The following PEG3 variants were observed in gnomAD, a reference collection of about 807,000 sequenced individuals.
The protein encoded by PEG3 is paternally expressed 3.
PEG3 carries 23 observed loss-of-function variants against 35.5 expected under a neutral mutation model. That is an observed-to-expected ratio of 0.65 (90% CI 0.47 to 0.92). The LOEUF (loss-of-function observed/expected upper bound fraction) is 0.92. Ranked by LOEUF, PEG3 falls within the 40% of genes least tolerant of loss-of-function variation. The pLI, the probability that PEG3 is intolerant of heterozygous loss-of-function variation, is 0.00. For synonymous variants in PEG3, 707 were observed against 697.0 expected, an observed-to-expected ratio of 1.01 and a Z score of -0.23; for missense variants, 1,960 against 1,985.3, an observed-to-expected ratio of 0.99 and a Z score of 0.24.
chr19:56,821,874 T>A (rs2060523520), intron 6 of PEG3, 120 bp from the exon 7 acceptor site: 1 of 1,049,432 alleles, frequency 9.5e-7, no homozygotes, highest in Admixed American at 1.9e-5. Context: ...AGTGCCTTTC[T>A]CTTCTCTGCA....
In PEG3 at chr19:56,817,794, C is replaced by T. The variant is rs1284183760; in HGVS notation, c.814G>A (p.Gly272Ser). Residue 272 changes from glycine to serine, a missense_variant, in exon 9 of 10, where the codon GGC becomes AGC. This residue lies in a region of PEG3 where 613 missense variants were observed against 577.1 expected (regional missense o/e 1.06). Coordinates refer to ENST00000326441, the MANE Select transcript of PEG3 (RefSeq NM_006210.3). ...EDDGHSHMTQ[G>S]HSSRSKRSAY... ...CTTCTCTTGGATCTTGATGAGTGGC[C>T]CTGCGTCATGTGGGAGTGGCCATCG... 1.9e-6 allele frequency: 3 copies of T among 1,614,074 alleles called. No individual in the cohort carries two copies. Among genetic ancestry groups the T allele is most frequent in the South Asian group, 2.2e-5 (2 of 91,062 alleles).
In PEG3 at chr19:56,824,526, A is replaced by C; in HGVS notation, c.130T>G (p.Phe44Val). The change falls in exon 4 of 10, where the codon TTT (phenylalanine) becomes GTT (valine). Residue 44 changes from phenylalanine (F) to valine (V), a missense_variant. Physicochemically the swap from Phe to Val is conservative, Grantham distance 50. Around this residue, in one of 5 missense-constraint regions of PEG3, gnomAD observed 613 missense variants for 577.1 expected, o/e 1.06. Coordinates refer to ENST00000326441, the MANE Select transcript of PEG3 (RefSeq NM_006210.3). ...AGGTTCCGAAACCTCTGATGAAAAAACTCAGAGTCAGTTGGACCTTCTCCT... is the reference window on the plus strand; with the variant it reads ...AGGTTCCGAAACCTCTGATGAAAAACCTCAGAGTCAGTTGGACCTTCTCCT... Reference protein sequence around the residue: ...IIGEGPTDSEFFHQRFRNLIY... With the variant: ...IIGEGPTDSEVFHQRFRNLIY... The C allele has an allele frequency of 6.2e-7, 1 of 1,613,520 alleles. No homozygotes were observed. Among genetic ancestry groups the C allele is most frequent in the Admixed American group, 1.7e-5 (1 of 59,952 alleles).
chr19:56,838,849 G>C (rs986906162), intron 1 of PEG3, among the ~76,000 whole-genome samples: 1 of 152,152 alleles, frequency 6.6e-6, no homozygotes, highest in South Asian at 2.1e-4. Flanking sequence ...CCGTGGCCCC[G>C]CCCCTCCCTG....
chr19:56,820,972 C>A (rs952694040), intron 7 of PEG3, among the ~76,000 whole-genome samples: 1 of 152,206 alleles, frequency 6.6e-6, no homozygotes, highest in African/African-American at 2.4e-5. Context: ...ATAAGTGACC[C>A]CTCTCCTCCT....
Position 56,816,790 on chromosome 19 carries a change from C to G in PEG3, c.1652G>C (p.Ser551Thr). ...EEAFMPSPTF[S>T]ELQKIYGKDK... ...TTTGCCATATATTTTCTGAAGCTCACTAAAGGTGGGGCTAGGCATGAAGGC... is the reference window on the plus strand; with the variant it reads ...TTTGCCATATATTTTCTGAAGCTCAGTAAAGGTGGGGCTAGGCATGAAGGC... Residue 551 changes from serine to threonine, a missense_variant, in exon 10 of 10, where the codon AGT becomes ACT. By Grantham distance (58) the Ser-to-Thr change is moderately conservative (BLOSUM62 1). Transcript: ENST00000326441. 1.9e-6 allele frequency: 3 copies of G among 1,614,112 alleles called. No homozygotes were observed. The highest frequency in any genetic ancestry group is 2.5e-6 in the Non-Finnish European group (3 of 1,180,016).
chr19:56,815,788 C>A lies in PEG3; in HGVS notation c.2654G>T (p.Gly885Val), dbSNP rs781723224. Residue 885 changes from glycine (G) to valine (V), a missense_variant, in exon 10 of 10, where the codon GGC (glycine) becomes GTC (valine). Transcript: ENST00000326441. ...IPARENPCEG[G>V]SKNRNYEDSV... ...GTCTTCATAGTTGCGATTCTTACTG[C>A]CCCCTTCACAAGGGTTCTCTCTGGC... The A allele has an allele frequency of 2.5e-6, 4 of 1,613,232 alleles. No individual in the cohort carries two copies. The African/African-American group carries it at 5.3e-5, about 22-fold the overall frequency.
Position 56,824,434 on chromosome 19 carries a change from C to A in PEG3, c.222G>T (p.Trp74Cys), listed in dbSNP as rs947664029. ...LIKLRNLCLD[W>C]LQPETRTKEE... The stretch of plus-strand genomic sequence containing the variant: ...CCTTGGTGCGGGTCTCCGGCTGCAA[C>A]CAATCGAGGCAGAGGTTTCGGAGTT... Residue 74 changes from tryptophan (W) to cysteine (C), a missense_variant, in exon 4 of 10, where the codon TGG (tryptophan) becomes TGT (cysteine). Physicochemically the swap from Trp to Cys is radical, Grantham distance 215. Coordinates refer to ENST00000326441, the MANE Select transcript of PEG3 (RefSeq NM_006210.3). 1.2e-6 allele frequency: 2 copies of A among 1,613,968 alleles called. No homozygotes were observed. The highest frequency in any genetic ancestry group is 1.7e-6 in the Non-Finnish European group (2 of 1,180,026).
rs756709180 is a variant in PEG3, at chr19:56,815,806, T to C, written c.2636A>G (p.Glu879Gly). 3.1e-6 allele frequency: 5 copies of C among 1,613,634 alleles called. No homozygotes were observed. In the South Asian group the frequency reaches 5.5e-5, roughly 18 times the overall value. The stretch of plus-strand genomic sequence containing the variant: ...CTTACTGCCCCCTTCACAAGGGTTC[T>C]CTCTGGCAGGAATCTTCTGTCGCTT... ...NDKRQKIPARENPCEGGSKNR... is the reference protein window; with the variant it reads ...NDKRQKIPARGNPCEGGSKNR... Residue 879 changes from glutamate (E) to glycine (G), a missense_variant, in exon 10 of 10, where the codon GAG (glutamate) becomes GGG (glycine). Glu to Gly is a moderately conservative substitution (Grantham distance 98). Around this residue, in one of 5 missense-constraint regions of PEG3, gnomAD observed 798 missense variants for 782.4 expected, o/e 1.02. Coordinates refer to ENST00000326441, the MANE Select transcript of PEG3 (RefSeq NM_006210.3).
chr19:56,826,124 C>T (rs2061004926), intron 3 of PEG3, among the ~76,000 whole-genome samples: 1 of 152,166 alleles, frequency 6.6e-6, no homozygotes, highest in African/African-American at 2.4e-5. Context: ...ATAGATAATG[C>T]TCTGCTGGGC....
chr19:56,819,524 G>A (rs1169816602), intron 7 of PEG3, among the ~76,000 whole-genome samples: 1 of 152,220 alleles, frequency 6.6e-6, no homozygotes, highest in Non-Finnish European at 1.5e-5. Flanking sequence ...ACTGAGGCTG[G>A]AGAGAGACTT....
chr19:56,837,799 T>C (rs2062348048), intron 1 of PEG3, among the ~76,000 whole-genome samples: 1 of 152,246 alleles, frequency 6.6e-6, no homozygotes, highest in South Asian at 2.1e-4. Flanking sequence ...TCACTCAAGA[T>C]GGCGCCTGCG....
chr19:56,827,540 G>A lies in PEG3; in HGVS notation c.-162-1077C>T, dbSNP rs149141217. ...CCGGGCAACATATGTTTGTATGCACGGGAAGAAACAAGTACACTCATATAC... is the reference window on the plus strand; with the variant it reads ...CCGGGCAACATATGTTTGTATGCACAGGAAGAAACAAGTACACTCATATAC... On this transcript the variant is annotated intron_variant, in intron 2 of 9. Transcript: ENST00000326441. Among the ~76,000 whole-genome samples the A allele has an allele frequency of 2.6e-3, 400 of 152,246 alleles. 4 individuals are homozygous for A. The highest frequency in any genetic ancestry group is 9.0e-3 in the African/African-American group (373 of 41,550).
intron 1 of PEG3, among the ~76,000 whole-genome samples, chr19:56,836,699 T>G (rs750802202): frequency 9.2e-5 from 14 of 152,196 alleles, no homozygotes; most frequent in Non-Finnish European, 1.0e-4. Flanking sequence ...ATGGGCGCAG[T>G]GACTCGCGCC....
intron 5 of PEG3, among the ~76,000 whole-genome samples, 191 bp downstream of exon 5, chr19:56,823,402 G>C (rs112247074): frequency 8.1e-4 from 123 of 152,246 alleles, no homozygotes; most frequent in South Asian, 1.2e-3. Flanking sequence ...AGTATTTAAG[G>C]TGTCTGTTTA....
At chr19:56,822,606 T>C (rs2060607672) in intron 6 of PEG3, 147 bp downstream of exon 6, 1 of 1,092,520 alleles carries the variant, frequency 9.2e-7, no homozygotes, top group Non-Finnish European at 1.3e-6. Context: ...ACTTCAAAAA[T>C]ACGAGCCTTG....
intron 2 of PEG3, among the ~76,000 whole-genome samples, chr19:56,827,745 C>A (rs558676283): frequency 1.3e-5 from 2 of 152,106 alleles, no homozygotes; most frequent in Admixed American, 1.3e-4. Flanking sequence ...ACTATGAAAC[C>A]CTTTAAAATA....
chr19:56,835,325 CCA>C (rs2061980216), intron 2 of PEG3, among the ~76,000 whole-genome samples: 1 of 152,212 alleles, frequency 6.6e-6, no homozygotes, highest in African/African-American at 2.4e-5. Flanking sequence ...CACAATGAAA[CCA>C]CAACTTACCT....
At chr19:56,822,861 G>A (rs1435917552) in intron 5 of PEG3, 25 bp from the exon 6 acceptor site, 2 of 1,607,716 alleles carry the variant, frequency 1.2e-6, no homozygotes, top group Admixed American at 3.4e-5. Flanking sequence ...CATTCCAGTG[G>A]TTAACAAAGC....
chr19:56,823,621 G>A lies in PEG3; in HGVS notation c.453C>T (p.Ser151=), dbSNP rs368216571. The A allele has an allele frequency of 3.7e-6, 6 of 1,614,026 alleles. No homozygotes were observed. In the African/African-American group the frequency reaches 6.7e-5, roughly 18 times the overall value. ...AAGAATGGACTGAGTGAGGTGGTGA[G>A]GACTCTCTTCTGTTCCGGGTCATGT... ...DDDMTRNRRE[S]SPPHSVHSFS... The change falls in exon 5 of 10, where the codon TCC becomes TCT. Residue 151 remains serine, a synonymous_variant. Coordinates refer to ENST00000326441, the MANE Select transcript of PEG3 (RefSeq NM_006210.3).
Sources: gnomAD v4.1 joint callset for allele counts (sites outside exome capture counted in the v4.1 genomes callset) on GRCh38, gnomAD v4.1.1 for gene constraint, gnomAD v4.1.1 regional missense constraint, MANE v1.5 for transcripts, NCBI Gene and HGNC (gene_info 2026-07-23, HGNC 2026-07-21) for gene names.